ANO4: variants seen among roughly 807,000 people sequenced by gnomAD.
The protein encoded by ANO4 is anoctamin 4, also known as anoctamin-4.
In ANO4, 69 loss-of-function variants were observed where a neutral mutation model predicts 141.9. That is an observed-to-expected ratio of 0.49 (90% CI 0.40 to 0.59). The LOEUF (loss-of-function observed/expected upper bound fraction) is 0.59. ANO4 is among the 20% of genes least tolerant of loss of function. The probability of loss-of-function intolerance (pLI) is 0.00; values close to 1 mark genes in which losing one functional copy is unlikely to be tolerated. For missense variants in ANO4, 894 were observed against 1,162.2 expected (o/e 0.77, Z 3.36); for synonymous variants, 350 against 394.3 (o/e 0.89, Z 1.33).
intron 1 of ANO4, among the ~76,000 whole-genome samples, chr12:100,845,508 C>T (rs1362188676): frequency 6.6e-6 from 1 of 152,038 alleles, no homozygotes; most frequent in East Asian, 1.9e-4. Context: ...CTTGCCTGTC[C>T]TTGTACATTT....
intron 3 of ANO4, among the ~76,000 whole-genome samples, chr12:100,775,526 A>G (rs554932362): frequency 6.6e-6 from 1 of 152,342 alleles, no homozygotes; most frequent in African/African-American, 2.4e-5. Flanking sequence ...TCCTACATCT[A>G]CGCTTTATAA....
intron 5 of ANO4, among the ~76,000 whole-genome samples, chr12:100,970,647 C>T (rs2043875517): frequency 7.9e-6 from 1 of 126,314 alleles, no homozygotes; most frequent in Non-Finnish European, 1.7e-5. Flanking sequence ...CTCCCTTCCT[C>T]CCTCCCTCCC....
intron 1 of ANO4, among the ~76,000 whole-genome samples, chr12:100,875,007 T>A (rs1037477432): frequency 1.3e-5 from 2 of 152,176 alleles, no homozygotes; most frequent in African/African-American, 4.8e-5. Context: ...TTGTCTCAGA[T>A]GAGACTTTGG....
intron 7 of ANO4, among the ~76,000 whole-genome samples, chr12:100,976,454 T>C (rs2044198527): frequency 6.6e-6 from 1 of 152,362 alleles, no homozygotes; most frequent in East Asian, 1.9e-4. Context: ...TTTAGATTGC[T>C]ACCTTGTCAC....
chr12:101,103,522 G>C (rs1314053797), intron 22 of ANO4, among the ~76,000 whole-genome samples: 1 of 151,400 alleles, frequency 6.6e-6, no homozygotes, highest in Non-Finnish European at 1.5e-5. Context: ...TTACTAATGT[G>C]GTGGATTTCA....
chr12:101,103,207 A>ATATATATATATATATC (rs2050274029), intron 22 of ANO4, among the ~76,000 whole-genome samples: 1 of 83,818 alleles, frequency 1.2e-5, no homozygotes, highest in African/African-American at 3.3e-5. Context: ...ATATATATAT[A>ATATATATATATATATC]TATATATATA....
chr12:101,085,671 A>G lies in ANO4; in HGVS notation c.1537-989A>G, dbSNP rs1258490160. ...CAACTGCATTTCATAGAGAAAGAAG[A>G]TATGCTGTATTGTTCTCAAATGCCA... On this transcript the variant is annotated intron_variant, in intron 16 of 27. Transcript: ENST00000392977. Among the ~76,000 whole-genome samples the G allele has an allele frequency of 3.3e-5, 5 of 152,284 alleles. 1 individual carries two copies. The South Asian group carries it at 1.0e-3, about 32-fold the overall frequency.
intron 14 of ANO4, among the ~76,000 whole-genome samples, chr12:101,071,962 G>A (rs572639773): frequency 3.9e-5 from 6 of 152,252 alleles, no homozygotes; most frequent in Non-Finnish European, 7.4e-5. Flanking sequence ...CCTTAGTAAC[G>A]TGATGAATTA....
chr12:100,768,327 G>T (rs913394124), intron 3 of ANO4, among the ~76,000 whole-genome samples: 5 of 152,194 alleles, frequency 3.3e-5, no homozygotes, highest in Admixed American at 2.6e-4. Flanking sequence ...ATGTGAAACT[G>T]TCCTTCTTAC....
intron 1 of ANO4, among the ~76,000 whole-genome samples, chr12:100,802,209 AT>A (rs1038449165): frequency 2.6e-5 from 4 of 152,066 alleles, no homozygotes; most frequent in East Asian, 1.9e-4. Flanking sequence ...AAATTTAGTT[AT>A]TTTTTTATTT....
intron 9 of ANO4, among the ~76,000 whole-genome samples, chr12:101,021,153 G>A (rs2046506564): frequency 6.6e-6 from 1 of 152,156 alleles, no homozygotes; most frequent in East Asian, 1.9e-4. Context: ...GCAGTTTGCT[G>A]GGGGCTCTAG....
intron 22 of ANO4, among the ~76,000 whole-genome samples, chr12:101,107,817 G>A (rs1019003089): frequency 6.6e-6 from 1 of 152,156 alleles, no homozygotes; most frequent in Non-Finnish European, 1.5e-5. Context: ...GAATGATAGG[G>A]AAGGGAGCTG....
intron 3 of ANO4, among the ~76,000 whole-genome samples, chr12:100,778,689 T>C (rs867452338): frequency 6.6e-6 from 1 of 152,192 alleles, no homozygotes; most frequent in Non-Finnish European, 1.5e-5. Context: ...CTCTCATTTG[T>C]AAATTCGGGT....
chr12:100,723,975 G>A (rs1488666409), intron 1 of ANO4, among the ~76,000 whole-genome samples: 1 of 152,062 alleles, frequency 6.6e-6, no homozygotes, highest in African/African-American at 2.4e-5. Flanking sequence ...AGTGCTTACT[G>A]TGTGTCAGGC....
chr12:101,033,783 A>T (rs2047081637), intron 9 of ANO4, among the ~76,000 whole-genome samples: 1 of 152,206 alleles, frequency 6.6e-6, no homozygotes, highest in Non-Finnish European at 1.5e-5. Flanking sequence ...AGCAACTTAA[A>T]GAAATTTACA....
chr12:100,945,559 G>A lies in ANO4; in HGVS notation c.456+3024G>A, dbSNP rs1419922447. ...TTACTAATTAACATTTTCTATTTCTGATTTTTTCATTTTTAATTCTATGTC... is the reference window on the plus strand; with the variant it reads ...TTACTAATTAACATTTTCTATTTCTAATTTTTTCATTTTTAATTCTATGTC... On this transcript the variant is annotated intron_variant, in intron 5 of 27. Transcript: ENST00000392977. Among the ~76,000 whole-genome samples, 2 of 152,064 alleles carry A rather than the reference G, an allele frequency of 1.3e-5. 1 individual carries two copies. Among genetic ancestry groups the A allele is most frequent in the African/African-American group, 4.8e-5 (2 of 41,394 alleles).
intron 14 of ANO4, among the ~76,000 whole-genome samples, chr12:101,050,808 C>T (rs1420814798): frequency 6.6e-6 from 1 of 152,136 alleles, no homozygotes. Flanking sequence ...GTCCCAAACA[C>T]CCCAGCCTCA....
At chr12:100,803,178 GTGT>G (rs1015536525) in intron 1 of ANO4, among the ~76,000 whole-genome samples, 1 of 152,166 alleles carries the variant, frequency 6.6e-6, no homozygotes, top group African/African-American at 2.4e-5. Flanking sequence ...GCAGTTTGGG[GTGT>G]TCTGAGAGGA....
rs1593379234 is a variant in ANO4 at position 100,806,523 on chromosome 12, C to CTTTTTTTTTTTTTTTTTTTTTT, written c.-141+11496_-141+11497insTTTTTTTTTTTTTTTTTTTTTT. Among the ~76,000 whole-genome samples the CTTTTTTTTTTTTTTTTTTTTTT allele has an allele frequency of 1.3e-3, 60 of 44,962 alleles. 15 individuals carry two copies. Among genetic ancestry groups the CTTTTTTTTTTTTTTTTTTTTTT allele is most frequent in the African/African-American group, 2.2e-3 (30 of 13,672 alleles). The allele number at this position is 44,962 out of a possible 152,430, so 29.5% of individuals were successfully genotyped here. The stretch of plus-strand genomic sequence containing the variant: ...TTTTTAGGAGGTTTTTTTTTTGTTT[C>CTTTTTTTTTTTTTTTTTTTTTT]GTTTTTTTTTTTTTTTTTTTTTTTT... On this transcript the variant is annotated intron_variant, in intron 1 of 27. Coordinates refer to ENST00000392977, the MANE Select transcript of ANO4 (RefSeq NM_001286615.2).
Sources: allele counts gnomAD v4.1 joint callset (sites outside exome capture counted in the v4.1 genomes callset), GRCh38; gene constraint gnomAD v4.1.1; transcripts MANE v1.5; gene names NCBI Gene and HGNC (gene_info 2026-07-23, HGNC 2026-07-21).